Variants in PTPRK observed in about 807,000 individuals in gnomAD.
The protein encoded by PTPRK is protein tyrosine phosphatase receptor type K, also known as receptor-type tyrosine-protein phosphatase kappa.
A neutral mutation model predicts 178.0 loss-of-function variants in PTPRK; 75 were observed. The ratio of observed to expected loss-of-function variants is 0.42; its 90% CI spans 0.35 to 0.51. The LOEUF (loss-of-function observed/expected upper bound fraction) is 0.51. PTPRK is among the 20% of genes least tolerant of loss of function. PTPRK has a pLI of 0.02. For missense variants in PTPRK, 1,441 were observed against 1,797.8 expected, an observed-to-expected ratio of 0.80 and a Z score of 3.59; for synonymous variants, 637 against 620.6, an observed-to-expected ratio of 1.03 and a Z score of -0.39.
chr6:128,019,741 T>C (rs574523044), intron 13 of PTPRK, among the ~76,000 whole-genome samples: 3 of 152,260 alleles, frequency 2.0e-5, no homozygotes, highest in Non-Finnish European at 4.4e-5. Context: ...CCCTGTGTTG[T>C]CTAGTAAACA....
At chr6:128,429,102 G>C (rs74776823) in intron 1 of PTPRK, among the ~76,000 whole-genome samples, 3 of 152,210 alleles carry the variant, frequency 2.0e-5, no homozygotes, top group Non-Finnish European at 2.9e-5. Flanking sequence ...AAAATGTAAG[G>C]CCTTAAATCC....
chr6:128,413,941 G>A (rs1260376825), intron 1 of PTPRK, among the ~76,000 whole-genome samples: 1 of 151,948 alleles, frequency 6.6e-6, no homozygotes, highest in Admixed American at 6.6e-5. Context: ...ATTAAAAAAA[G>A]ACTAACAGTA....
intron 6 of PTPRK, among the ~76,000 whole-genome samples, chr6:128,210,742 T>G (rs1807992103): frequency 6.6e-6 from 1 of 151,892 alleles, no homozygotes; most frequent in Admixed American, 6.6e-5. Context: ...CTGGAGGAGG[T>G]AGCATGGCAA....
chr6:128,100,706 A>G lies in PTPRK; in HGVS notation c.1163-10714T>C, dbSNP rs1268138739. On this transcript the variant is annotated intron_variant, in intron 7 of 29. Transcript: ENST00000368226. ...AGACACATAGAATATAAATAAATAAAAGGAAATTCCTCTTGATATATACCT... is the reference window on the plus strand; with the variant it reads ...AGACACATAGAATATAAATAAATAAGAGGAAATTCCTCTTGATATATACCT... 7.9e-5 allele frequency among the ~76,000 whole-genome samples: 12 copies of G among 151,944 alleles called. No individual in the cohort carries two copies. In the South Asian group the frequency reaches 2.5e-3, roughly 31 times the overall value.
At position 128,119,511 on chromosome 6, in the gene PTPRK, T is replaced by C. The variant is rs187353240; in HGVS notation, c.1163-29519A>G. Among the ~76,000 whole-genome samples the C allele has an allele frequency of 2.2e-4, 33 of 152,216 alleles. 1 individual carries two copies. The highest frequency in any genetic ancestry group is 7.7e-4 in the African/African-American group (32 of 41,586). ...TATATAATAGAAGTTTGAAAATATT[T>C]TCTCAAAGGATTTATTTCTAATAGT... On this transcript the variant is annotated intron_variant, in intron 7 of 29. Transcript: ENST00000368226.
intron 7 of PTPRK, among the ~76,000 whole-genome samples, chr6:128,177,090 C>A (rs1801185847): frequency 6.6e-6 from 1 of 151,598 alleles, no homozygotes; most frequent in Non-Finnish European, 1.5e-5. Context: ...AAGTCTATAC[C>A]TCATAGTGAC....
intron 7 of PTPRK, among the ~76,000 whole-genome samples, chr6:128,142,622 C>T (rs1383562907): frequency 2.0e-5 from 3 of 151,298 alleles, no homozygotes; most frequent in Non-Finnish European, 4.4e-5. Context: ...ATATTTCTTA[C>T]AGATAAAAAT....
chr6:128,215,804 A>G (rs1809174292), intron 6 of PTPRK, among the ~76,000 whole-genome samples: 1 of 152,124 alleles, frequency 6.6e-6, no homozygotes, highest in Admixed American at 6.6e-5. Context: ...AAGACTATTC[A>G]TATCACTGCC....
chr6:128,000,341 G>T (rs1420048299), intron 15 of PTPRK: 54 of 1,170,856 alleles, frequency 4.6e-5, no homozygotes, highest in Non-Finnish European at 5.7e-5. Context: ...CTGGAGAAGG[G>T]AAAAAAAAAA....
intron 7 of PTPRK, among the ~76,000 whole-genome samples, chr6:128,113,841 C>T (rs1444291663): frequency 6.6e-6 from 1 of 152,128 alleles, no homozygotes; most frequent in African/African-American, 2.4e-5. Context: ...AAAGTATACA[C>T]ACACGGACAC....
intron 3 of PTPRK, among the ~76,000 whole-genome samples, chr6:128,279,718 C>T (rs1821370358): frequency 6.6e-6 from 1 of 152,108 alleles, no homozygotes; most frequent in African/African-American, 2.4e-5. Flanking sequence ...AAAATATTAT[C>T]TATTTTAATT....
At chr6:128,506,868 G>A (rs1856443972) in intron 1 of PTPRK, among the ~76,000 whole-genome samples, 2 of 151,944 alleles carry the variant, frequency 1.3e-5, no homozygotes, top group South Asian at 4.1e-4. Context: ...AAAAGATAAT[G>A]TAGTTAGAGA....
At chr6:128,002,567 A>G (rs1248079621) in intron 15 of PTPRK, among the ~76,000 whole-genome samples, 1 of 151,904 alleles carries the variant, frequency 6.6e-6, no homozygotes. Flanking sequence ...TAAAAGCGTT[A>G]ATTGTCATTA....
At chr6:128,003,783 G>A (rs1256608901) in intron 15 of PTPRK, among the ~76,000 whole-genome samples, 4 of 151,576 alleles carry the variant, frequency 2.6e-5, no homozygotes, top group African/African-American at 7.3e-5. Context: ...TTTATTTTCC[G>A]CAAAACTTAC....
chr6:128,195,620 G>A (rs370572223), intron 6 of PTPRK, among the ~76,000 whole-genome samples: 2 of 151,730 alleles, frequency 1.3e-5, no homozygotes, highest in East Asian at 1.9e-4. Flanking sequence ...ACTTTTTTAC[G>A]AAAAAGGAAT....
At chr6:128,238,234 A>G in intron 5 of PTPRK, 1 of 395,764 alleles carries the variant, frequency 2.5e-6, no homozygotes, top group Non-Finnish European at 4.8e-6. Context: ...GAGGTAGGGG[A>G]GAAAGCAACA....
At chr6:128,119,758 C>CT (rs1180654287) in intron 7 of PTPRK, among the ~76,000 whole-genome samples, 1 of 151,956 alleles carries the variant, frequency 6.6e-6, no homozygotes, top group Non-Finnish European at 1.5e-5. Context: ...AACTGCAATG[C>CT]TTAGGAGAAT....
intron 2 of PTPRK, among the ~76,000 whole-genome samples, chr6:128,364,581 T>C (rs1835224957): frequency 6.6e-6 from 1 of 152,090 alleles, no homozygotes; most frequent in African/African-American, 2.4e-5. Context: ...CATTGTTAAG[T>C]AAGCTTCATT....
At chr6:128,186,137 G>C (rs981812465) in intron 6 of PTPRK, among the ~76,000 whole-genome samples, 1 of 152,094 alleles carries the variant, frequency 6.6e-6, no homozygotes, top group African/African-American at 2.4e-5. Flanking sequence ...TTGTTAGGCT[G>C]TCCTACACAT....
Sources: allele counts gnomAD v4.1 joint callset (sites outside exome capture counted in the v4.1 genomes callset), GRCh38; gene constraint gnomAD v4.1.1; transcripts MANE v1.5; gene names NCBI Gene and HGNC (gene_info 2026-07-23, HGNC 2026-07-21).